Variants in RECK observed in about 807,000 individuals in gnomAD.
RECK encodes reversion-inducing cysteine-rich protein with Kazal motifs.
Under a neutral mutation model 115.1 loss-of-function variants are expected in RECK, and 69 were observed. That is an observed-to-expected ratio of 0.60 (90% confidence interval 0.49 to 0.73). RECK has a LOEUF of 0.73. RECK is among the 30% of genes least tolerant of loss of function. The pLI, the probability that RECK is intolerant of heterozygous loss-of-function variation, is 0.00. For missense variants in RECK, 1,047 were observed against 1,203.7 expected, an observed-to-expected ratio of 0.87 and a Z score of 1.93; for synonymous variants, 414 against 419.7, an observed-to-expected ratio of 0.99 and a Z score of 0.17.
rs1296966621 is a variant in RECK at position 36,111,560 on chromosome 9, A to C, written c.1889-745A>C. Among the ~76,000 whole-genome samples, 5 of 151,970 alleles carry C rather than the reference A, an allele frequency of 3.3e-5. No homozygotes were observed. The East Asian group carries it at 9.7e-4, about 29-fold the overall frequency. ...CAGGCATGCGCCACCATGCCATTCT[A>C]ATTTTGTATTTTTAGTAGAGATGGG... On this transcript the variant is annotated intron_variant, in intron 15 of 20. Transcript: ENST00000377966.
chr9:36,099,920 T>C (rs929263322), intron 10 of RECK, among the ~76,000 whole-genome samples: 2 of 152,232 alleles, frequency 1.3e-5, no homozygotes, highest in Non-Finnish European at 2.9e-5. Context: ...CCTTAATTGA[T>C]TTAGATGTGC....
chr9:36,112,262 G>A, intron 15 of RECK, 43 bp from the exon 16 acceptor site: 2 of 1,586,468 alleles, frequency 1.3e-6, no homozygotes, highest in South Asian at 2.2e-5. Context: ...AGGGGAGGGG[G>A]AATATACACA....
intron 6 of RECK, among the ~76,000 whole-genome samples, chr9:36,068,251 T>C (rs1315815327): frequency 6.6e-6 from 1 of 152,190 alleles, no homozygotes; most frequent in Non-Finnish European, 1.5e-5. Flanking sequence ...CAGACTAGGA[T>C]AATAGTAATA....
At chr9:36,074,790 G>A (rs1822383179) in intron 6 of RECK, among the ~76,000 whole-genome samples, 1 of 152,194 alleles carries the variant, frequency 6.6e-6, no homozygotes, top group Non-Finnish European at 1.5e-5. Context: ...TTCATTCTGA[G>A]TACTATCTAT....
chr9:36,114,990 T>C (rs1824203842), intron 16 of RECK, among the ~76,000 whole-genome samples: 1 of 152,168 alleles, frequency 6.6e-6, no homozygotes, highest in Admixed American at 6.5e-5. Flanking sequence ...TTTTTCAGTT[T>C]CACCATGGGC....
chr9:36,060,865 C>T lies in RECK; in HGVS notation c.271+710C>T, dbSNP rs141242943. ...CTACCTGGATCTCTGCATCCAGGTGCCATCTGAAGCACAAATCCAAAATCA... is the reference window on the plus strand; with the variant it reads ...CTACCTGGATCTCTGCATCCAGGTGTCATCTGAAGCACAAATCCAAAATCA... On this transcript the variant is annotated intron_variant, in intron 4 of 20. Coordinates refer to ENST00000377966, the MANE Select transcript of RECK (RefSeq NM_021111.3). Among the ~76,000 whole-genome samples, 40 of 152,214 alleles carry T rather than the reference C, an allele frequency of 2.6e-4. 1 individual carries two copies. The East Asian group carries it at 6.8e-3, about 26-fold the overall frequency.
Position 36,120,050 on chromosome 9 carries a change from C to T in RECK, c.2465-613C>T, listed in dbSNP as rs548733668. ...GAGATCGAAACCATCCTGACTAACA[C>T]GGTGAAACCCTGTCTCTACTAAAAA... On this transcript the variant is annotated intron_variant, in intron 18 of 20. Coordinates refer to ENST00000377966, the MANE Select transcript of RECK (RefSeq NM_021111.3). Among the ~76,000 whole-genome samples, 7 of 152,018 alleles carry T rather than the reference C, an allele frequency of 4.6e-5. 1 individual carries two copies. In the South Asian group the frequency reaches 8.3e-4, roughly 18 times the overall value.
chr9:36,121,554 A>G lies in RECK; in HGVS notation c.2560A>G (p.Thr854Ala), dbSNP rs1400464818. 1.2e-6 allele frequency: 2 copies of G among 1,613,776 alleles called. No individual in the cohort carries two copies. The highest frequency in any genetic ancestry group is 2.7e-5 in the African/African-American group (2 of 74,924). ...IAKVTNKKPI[T>A]VLEILQKIRM... ...CCAGGTAACAAATAAAAAGCCAATA[A>G]CAGTTCTGGAAATACTTCAGAAAAT... Residue 854 changes from threonine (T) to alanine (A), a missense_variant, in exon 20 of 21, where the codon ACA becomes GCA. Transcript: ENST00000377966.
chr9:36,064,829 A>T (rs1821923281), intron 5 of RECK, among the ~76,000 whole-genome samples: 1 of 152,150 alleles, frequency 6.6e-6, no homozygotes, highest in Non-Finnish European at 1.5e-5. Flanking sequence ...GGCCTAGGTG[A>T]TAGAACAGGA....
intron 6 of RECK, chr9:36,066,858 C>G: frequency 2.3e-6 from 3 of 1,288,006 alleles, no homozygotes; most frequent in Non-Finnish European, 2.0e-6. Context: ...TGATGAAGGA[C>G]AAGACAGGAA....
In RECK at chr9:36,083,671, T is replaced by C. The variant is rs1348554187; in HGVS notation, c.637+109T>C. ...TGCAGTCTGGGTCATTTGAGAAATA[T>C]CAGACTTCCTTTGGTATTTAGATTT... On this transcript the variant is annotated intron_variant, in intron 8 of 20. Transcript: ENST00000377966. The C allele has an allele frequency of 6.1e-6, 7 of 1,151,742 alleles. No individual in the cohort carries two copies. In the Admixed American group the frequency reaches 1.5e-4, roughly 25 times the overall value. 71.3% of individuals were successfully genotyped at this position (1,151,742 alleles called of 1,614,324 possible). A position where few individuals can be genotyped will look rare whatever the true frequency, so the allele number is the denominator to read the frequency against.
In RECK at chr9:36,120,666, C is replaced by CT; in HGVS notation, c.2470dup (p.Cys824LeufsTer14). ...TAAAATGGTTTCTGTTATACAGGTG[C>CT]TTGTTGCCCATTATGTGCTGGGATG... On this transcript the variant is annotated frameshift_variant, in exon 19 of 21. Coordinates refer to ENST00000377966, the MANE Select transcript of RECK (RefSeq NM_021111.3). LOFTEE classifies it high-confidence loss of function. 6.2e-7 allele frequency: 1 copy of CT among 1,611,662 alleles called. No individual in the cohort carries two copies. The highest frequency in any genetic ancestry group is 1.1e-5 in the South Asian group (1 of 90,974).
intron 4 of RECK, among the ~76,000 whole-genome samples, chr9:36,060,549 C>T (rs1424782028): frequency 6.6e-6 from 1 of 152,162 alleles, no homozygotes; most frequent in African/African-American, 2.4e-5. Context: ...GATCTTCGGG[C>T]TCTTTCTCAG....
chr9:36,059,597 A>G (rs60078570), intron 3 of RECK, among the ~76,000 whole-genome samples: 6 of 152,172 alleles, frequency 3.9e-5, no homozygotes, highest in Admixed American at 3.3e-4. Flanking sequence ...TATATGACTT[A>G]TTATCTTCCA....
chr9:36,059,647 A>C (rs571061052), intron 3 of RECK, among the ~76,000 whole-genome samples: 2 of 152,278 alleles, frequency 1.3e-5, no homozygotes, highest in South Asian at 4.2e-4. Context: ...TACCTATCTG[A>C]ATCATGTAAC....
At chr9:36,098,064 G>C (rs1183887260) in intron 10 of RECK, among the ~76,000 whole-genome samples, 2 of 152,150 alleles carry the variant, frequency 1.3e-5, no homozygotes, top group African/African-American at 2.4e-5. Flanking sequence ...AGAGGGAGGA[G>C]AGAGGGGAGA....
intron 10 of RECK, among the ~76,000 whole-genome samples, chr9:36,097,327 CAAAAAAAA>C (rs56837267): frequency 7.3e-4 from 51 of 69,640 alleles, no homozygotes; most frequent in African/African-American, 2.0e-3. Flanking sequence ...GACTCCATCT[CAAAAAAAA>C]AAAAAAAAAG....
intron 12 of RECK, 32 bp from the exon 13 acceptor site, chr9:36,105,111 T>C: frequency 1.9e-6 from 3 of 1,592,022 alleles, no homozygotes; most frequent in Non-Finnish European, 2.6e-6. Context: ...CTCTTTTAGG[T>C]TGGTTAAACT....
Position 36,039,562 on chromosome 9 carries a change from A to G in RECK, c.100+2464A>G, listed in dbSNP as rs115938511. Reference sequence around the variant, plus strand: ...GTGTGAAAGTGAAATGACTTGCTCAATGGTTTTCTCTTTGGAGGATGAGAA... The same window carrying G: ...GTGTGAAAGTGAAATGACTTGCTCAGTGGTTTTCTCTTTGGAGGATGAGAA... On this transcript the variant is annotated intron_variant, in intron 1 of 20. Coordinates refer to ENST00000377966, the MANE Select transcript of RECK (RefSeq NM_021111.3). Among the ~76,000 whole-genome samples, 1,117 of 152,320 alleles carry G rather than the reference A, an allele frequency of 7.3e-3. 12 individuals are homozygous for G. The highest frequency in any genetic ancestry group is 0.024 in the African/African-American group (996 of 41,584).
Sources: allele counts gnomAD v4.1 joint callset (sites outside exome capture counted in the v4.1 genomes callset), GRCh38; gene constraint gnomAD v4.1.1; transcripts MANE v1.5; gene names NCBI Gene and HGNC (gene_info 2026-07-23, HGNC 2026-07-21).